The following AHCTF1 variants were observed in gnomAD, a reference collection of about 807,000 sequenced individuals.
AHCTF1 encodes the protein AT-hook containing transcription factor 1.
In AHCTF1, 24 loss-of-function variants were observed where a neutral mutation model predicts 248.4. The observed-to-expected ratio is 0.10, with a 90% CI of 0.07 to 0.14. The LOEUF is 0.14. Among genes scored for constraint, AHCTF1 ranks in the 10% least tolerant of loss-of-function variants. The pLI, the probability that AHCTF1 is intolerant of heterozygous loss-of-function variation, is 1.00. For synonymous variants in AHCTF1, 786 were observed against 929.8 expected, an observed-to-expected ratio of 0.85 and a Z score of 2.81; for missense variants, 2,206 against 2,636.2, an observed-to-expected ratio of 0.84 and a Z score of 3.57.
In AHCTF1 at chr1:246,931,356, T is replaced by G. The variant is rs761741960; in HGVS notation, c.-8+222A>C. ...CCGCCGCTCCTCCGGTCCGAGATTA[T>G]GTAACGAAGCCCGGCGCCCGCGAGC... On this transcript the variant is annotated intron_variant, in intron 1 of 35. Coordinates refer to ENST00000648844, the MANE Select transcript of AHCTF1 (RefSeq NM_001323342.2). 3.3e-6 allele frequency: 5 copies of G among 1,537,996 alleles called. No homozygotes were observed. The African/African-American group carries it at 6.9e-5, about 21-fold the overall frequency.
intron 1 of AHCTF1, among the ~76,000 whole-genome samples, chr1:246,926,977 A>T (rs572206700): frequency 1.3e-5 from 2 of 152,106 alleles, no homozygotes; most frequent in Admixed American, 1.3e-4. Flanking sequence ...GATCGAGACC[A>T]TCCTGGCTAA....
At chr1:246,917,932 C>T (rs998105002) in intron 2 of AHCTF1, among the ~76,000 whole-genome samples, 2 of 152,130 alleles carry the variant, frequency 1.3e-5, no homozygotes, top group Non-Finnish European at 2.9e-5. Context: ...CCAAACTCAT[C>T]ACCAATAAAA....
intron 32 of AHCTF1, among the ~76,000 whole-genome samples, chr1:246,851,751 G>A (rs1660732722): frequency 6.6e-6 from 1 of 152,000 alleles, no homozygotes; most frequent in Non-Finnish European, 1.5e-5. Context: ...AAACATTTAA[G>A]GACTTATTCT....
At chr1:246,904,102 A>C in intron 6 of AHCTF1, 69 bp from the exon 7 acceptor site, 2 of 1,380,610 alleles carry the variant, frequency 1.4e-6, no homozygotes, top group Admixed American at 3.5e-5. Flanking sequence ...TGTCCAAGTA[A>C]GTTTAGTTTG....
rs565286210 is a variant in AHCTF1, at chr1:246,843,728, T to G, written c.6525+67A>C. ...TTAAAATTTAAATAAAATAATTTTA[T>G]TAAAACATTTGTAAAAAAAAAAAGT... On this transcript the variant is annotated intron_variant, in intron 34 of 35. Transcript: ENST00000648844. 7 of 1,005,866 alleles carry G rather than the reference T, an allele frequency of 7.0e-6. No homozygotes were observed. In the South Asian group the frequency reaches 2.1e-4, roughly 30 times the overall value. The allele number at this position is 1,005,866 out of a possible 1,614,324, so 62.3% of individuals were successfully genotyped here.
chr1:246,898,621 A>AACAC (rs74163703), intron 11 of AHCTF1, among the ~76,000 whole-genome samples: 2,389 of 147,042 alleles, frequency 0.016, 31 homozygotes, highest in Admixed American at 0.04. Context: ...ATCTTGACAA[A>AACAC]ACACACACAC....
At chr1:246,853,519 C>T (rs929806990) in intron 31 of AHCTF1, among the ~76,000 whole-genome samples, 20 of 152,102 alleles carry the variant, frequency 1.3e-4, no homozygotes, top group Admixed American at 9.2e-4. Flanking sequence ...AACTGATAAA[C>T]GGTATCAGGA....
chr1:246,841,741 T>C (rs1417135723), intron 35 of AHCTF1, among the ~76,000 whole-genome samples: 2 of 152,104 alleles, frequency 1.3e-5, no homozygotes, highest in South Asian at 2.1e-4. Flanking sequence ...GAAATATCCA[T>C]TGGGAACTAA....
At position 246,853,191 on chromosome 1, in the gene AHCTF1, T is replaced by A. The variant is rs1660844116; in HGVS notation, c.4463A>T (p.Glu1488Val). ...LNQEVALNLK[E>V]DHEVEVGVLK... ...TACACCAACTTCTACTTCATGATCT[T>A]CTTTTAAGTTCAGCGCTACTTCCTG... is the stretch of plus-strand genomic sequence containing the variant. The change falls in exon 32 of 36, where the codon GAA becomes GTA. Residue 1488 changes from glutamate (E) to valine (V), a missense_variant. By Grantham distance (121) the Glu-to-Val change is moderately radical. This residue lies in a region of AHCTF1 where 955 missense variants were observed against 1,055.6 expected (regional missense o/e 0.90). Coordinates refer to ENST00000648844, the MANE Select transcript of AHCTF1 (RefSeq NM_001323342.2). 6.2e-7 allele frequency: 1 copy of A among 1,613,196 alleles called. No individual in the cohort carries two copies. The highest frequency in any genetic ancestry group is 1.3e-5 in the African/African-American group (1 of 74,912).
intron 31 of AHCTF1, 41 bp downstream of exon 31, chr1:246,855,689 C>G (rs749630994): frequency 9.9e-6 from 15 of 1,508,684 alleles, no homozygotes; most frequent in Non-Finnish European, 1.4e-5. Flanking sequence ...ACTCAAAACA[C>G]AAAAATGGAA....
intron 5 of AHCTF1, 149 bp from the exon 6 acceptor site, chr1:246,905,806 C>A: frequency 1.6e-6 from 1 of 622,930 alleles, no homozygotes; most frequent in Non-Finnish European, 2.9e-6. Context: ...ATCTTATCTG[C>A]AAAAATACAC....
intron 35 of AHCTF1, among the ~76,000 whole-genome samples, chr1:246,842,406 A>G (rs1274632682): frequency 6.6e-6 from 1 of 151,938 alleles, no homozygotes; most frequent in East Asian, 1.9e-4. Flanking sequence ...ACATGATAAA[A>G]TGCCGTCTCT....
At chr1:246,890,273 G>A (rs1434903013) in intron 16 of AHCTF1, among the ~76,000 whole-genome samples, 1 of 152,142 alleles carries the variant, frequency 6.6e-6, no homozygotes, top group Non-Finnish European at 1.5e-5. Context: ...CTACATGGAT[G>A]GGGGCTTAAA....
intron 29 of AHCTF1, among the ~76,000 whole-genome samples, chr1:246,858,414 G>A (rs1254135398): frequency 6.6e-6 from 1 of 152,184 alleles, no homozygotes; most frequent in African/African-American, 2.4e-5. Flanking sequence ...GAAAACTGAA[G>A]CCTAAGGTTA....
chr1:246,867,381 T>C, intron 25 of AHCTF1, 30 bp from the exon 26 acceptor site: 1 of 1,393,702 alleles, frequency 7.2e-7, no homozygotes, highest in Non-Finnish European at 9.8e-7. Flanking sequence ...ACTTCTGATG[T>C]ATCACAAGGA....
At chr1:246,930,083 A>T (rs1366858388) in intron 1 of AHCTF1, among the ~76,000 whole-genome samples, 1 of 152,128 alleles carries the variant, frequency 6.6e-6, no homozygotes, top group Non-Finnish European at 1.5e-5. Context: ...TGTACCTATG[A>T]AAAAGGAGAA....
rs1239391534 is a variant in AHCTF1 at position 246,840,049 on chromosome 1, C to T, written c.*757G>A. ...ATCAATATTAGGCACATACAAGATG[C>T]ACTCAATATCCATAAACAGATTTAT... is the stretch of plus-strand genomic sequence containing the variant. On this transcript the variant is annotated 3_prime_UTR_variant, in exon 36 of 36. Transcript: ENST00000648844. 6.6e-6 allele frequency: 1 copy of T among 152,574 alleles called. No individual in the cohort carries two copies. Among genetic ancestry groups the T allele is most frequent in the Admixed American group, 6.5e-5 (1 of 15,284 alleles). The allele number at this position is 152,574 out of a possible 1,614,324, so 9.5% of individuals were successfully genotyped here. A position where few individuals can be genotyped will look rare whatever the true frequency, so the allele number is the denominator to read the frequency against.
chr1:246,914,161 T>A (rs1665991686), intron 3 of AHCTF1, among the ~76,000 whole-genome samples: 1 of 152,226 alleles, frequency 6.6e-6, no homozygotes, highest in Non-Finnish European at 1.5e-5. Flanking sequence ...CCATATTTTA[T>A]ACTTGTCTTT....
intron 14 of AHCTF1, 138 bp from the exon 15 acceptor site, chr1:246,892,057 A>T (rs1237816557): frequency 9.6e-7 from 1 of 1,040,882 alleles, no homozygotes; most frequent in Non-Finnish European, 1.3e-6. Context: ...ACAAGCTAGA[A>T]ATGGCAAAAC....
Sources: allele counts gnomAD v4.1 joint callset (sites outside exome capture counted in the v4.1 genomes callset), GRCh38; gene constraint gnomAD v4.1.1; regional missense constraint gnomAD v4.1.1; transcripts MANE v1.5; gene names NCBI Gene and HGNC (gene_info 2026-07-23, HGNC 2026-07-21).